SPEF2: variants seen among roughly 807,000 people sequenced by gnomAD.
SPEF2 encodes the protein sperm flagellar and cilia associated 2.
Under a neutral mutation model 224.6 loss-of-function variants are expected in SPEF2, and 187 were observed. The ratio of observed to expected loss-of-function variants is 0.83; its 90% CI spans 0.74 to 0.94. The LOEUF is 0.94. SPEF2 is among the 40% of genes least tolerant of loss of function. The pLI, the probability that SPEF2 is intolerant of heterozygous loss-of-function variation, is 0.00. For missense variants in SPEF2, 2,170 were observed against 2,135.6 expected (o/e 1.02, Z -0.32); for synonymous variants, 715 against 707.3 (o/e 1.01, Z -0.17).
intron 7 of SPEF2, among the ~76,000 whole-genome samples, 195 bp downstream of exon 7, chr5:35,654,921 T>C (rs770484001): frequency 2.6e-5 from 4 of 151,642 alleles, no homozygotes; most frequent in Non-Finnish European, 5.9e-5. Context: ...AATCTGGTGA[T>C]AGTTGTACAA....
chr5:35,670,939 A>G (rs1751150204), intron 10 of SPEF2: 3 of 985,312 alleles, frequency 3.0e-6, no homozygotes, highest in Non-Finnish European at 3.6e-6. Flanking sequence ...TTGGATGCAT[A>G]TAATACATAT....
rs200583969 is a variant in SPEF2 at position 35,686,945 on chromosome 5, TTG to T, written c.1525-4081_1525-4080del. 3.2e-3 allele frequency among the ~76,000 whole-genome samples: 483 copies of T among 151,908 alleles called. 3 individuals carry two copies. Among genetic ancestry groups the T allele is most frequent in the African/African-American group, 0.011 (461 of 41,498 alleles). ...AAGTGTGTGAGTGAATTATGTGTGT[TTG>T]TGTGTGTGTGCTTGAGGATGTGCAG... On this transcript the variant is annotated intron_variant, in intron 10 of 36. Coordinates refer to ENST00000356031, the MANE Select transcript of SPEF2 (RefSeq NM_024867.4).
intron 21 of SPEF2, among the ~76,000 whole-genome samples, chr5:35,733,957 T>G (rs1314428879): frequency 6.6e-6 from 1 of 152,190 alleles, no homozygotes; most frequent in Non-Finnish European, 1.5e-5. Context: ...AGGACTTTAA[T>G]GAGTTAGTCC....
At chr5:35,702,131 T>A in intron 16 of SPEF2, 1 of 455,128 alleles carries the variant, frequency 2.2e-6, no homozygotes, top group East Asian at 6.9e-5. Flanking sequence ...AAGGCAAATG[T>A]GTCATCCAAT....
At chr5:35,675,155 A>G (rs1232980414) in intron 10 of SPEF2, among the ~76,000 whole-genome samples, 2 of 152,194 alleles carry the variant, frequency 1.3e-5, no homozygotes, top group Non-Finnish European at 2.9e-5. Context: ...TGCTTATATG[A>G]TGAAGGCTGA....
At chr5:35,658,810 T>G (rs1053421481) in intron 7 of SPEF2, among the ~76,000 whole-genome samples, 1 of 152,216 alleles carries the variant, frequency 6.6e-6, no homozygotes, top group African/African-American at 2.4e-5. Flanking sequence ...AATTGTGAGT[T>G]GCAAAGCCAT....
At chr5:35,804,286 AG>A (rs1204352762) in intron 34 of SPEF2, among the ~76,000 whole-genome samples, 3 of 152,230 alleles carry the variant, frequency 2.0e-5, no homozygotes, top group Non-Finnish European at 4.4e-5. Context: ...GAGTCCTGAG[AG>A]TTAGCCAAGT....
At chr5:35,745,361 C>A (rs376793662) in intron 23 of SPEF2, among the ~76,000 whole-genome samples, 60 of 152,238 alleles carry the variant, frequency 3.9e-4, no homozygotes, top group African/African-American at 1.3e-3. Context: ...TGTGCAGACT[C>A]CTCAGGTAGG....
At chr5:35,654,805 T>C in intron 7 of SPEF2, 79 bp downstream of exon 7, 2 of 1,254,796 alleles carry the variant, frequency 1.6e-6, no homozygotes, top group South Asian at 1.7e-5. Context: ...TAATATGTAG[T>C]TTATATATGT....
chr5:35,794,994 G>A (rs1756465591), intron 32 of SPEF2, among the ~76,000 whole-genome samples: 1 of 151,924 alleles, frequency 6.6e-6, no homozygotes, highest in South Asian at 2.1e-4. Context: ...GTCAGCACTT[G>A]CCAGCTCATT....
chr5:35,643,636 G>A (rs1273834427), intron 3 of SPEF2: 1 of 437,746 alleles, frequency 2.3e-6, no homozygotes, highest in African/African-American at 2.0e-5. Flanking sequence ...ATGTGGAAGA[G>A]GTGATATCAT....
intron 23 of SPEF2, among the ~76,000 whole-genome samples, chr5:35,741,677 C>T (rs1048425770): frequency 6.6e-6 from 1 of 152,124 alleles, no homozygotes. Context: ...AGAAGCAAGG[C>T]GTCATTGTGG....
chr5:35,789,714 T>C (rs1296277106), intron 30 of SPEF2: 3 of 665,648 alleles, frequency 4.5e-6, no homozygotes, highest in East Asian at 2.7e-5. Context: ...AGGTAATCTA[T>C]ATGTGCTGAC....
At chr5:35,759,823 C>G in intron 25 of SPEF2, 104 bp downstream of exon 25, 2 of 1,164,430 alleles carry the variant, frequency 1.7e-6, no homozygotes, top group Non-Finnish European at 2.3e-6. Flanking sequence ...ATCTGCAAAT[C>G]TAAGATCCAA....
At chr5:35,755,170 A>G (rs1040925435) in intron 24 of SPEF2, among the ~76,000 whole-genome samples, 3 of 152,262 alleles carry the variant, frequency 2.0e-5, no homozygotes, top group Admixed American at 1.3e-4. Flanking sequence ...CATCCAAAGC[A>G]GAGGACAAAG....
chr5:35,654,444 G>C lies in SPEF2; in HGVS notation c.792-96G>C, dbSNP rs1035796919. ...ATTAATAAATTAACAGTGAACTCAA[G>C]GGATCCTTCTCCTGAGGTCTTTCTC... On this transcript the variant is annotated intron_variant, in intron 6 of 36. Coordinates refer to ENST00000356031, the MANE Select transcript of SPEF2 (RefSeq NM_024867.4). 7.2e-6 allele frequency: 7 copies of C among 973,490 alleles called. No homozygotes were observed. In the African/African-American group the frequency reaches 9.9e-5, roughly 14 times the overall value. 60.3% of individuals were successfully genotyped at this position (973,490 alleles called of 1,614,324 possible).
intron 13 of SPEF2, among the ~76,000 whole-genome samples, chr5:35,694,589 G>A (rs1755023558): frequency 6.6e-6 from 1 of 152,220 alleles, no homozygotes; most frequent in African/African-American, 2.4e-5. Flanking sequence ...CCTTCGAATA[G>A]TTGATTAGTT....
intron 11 of SPEF2, 107 bp downstream of exon 11, chr5:35,691,363 T>C: frequency 1.2e-6 from 1 of 865,568 alleles, no homozygotes; most frequent in Admixed American, 2.9e-5. Flanking sequence ...TGCTGATATG[T>C]TGGGAAATCT....
intron 33 of SPEF2, among the ~76,000 whole-genome samples, chr5:35,797,225 G>T (rs1191805176): frequency 2.6e-5 from 4 of 152,074 alleles, no homozygotes; most frequent in Non-Finnish European, 4.4e-5. Context: ...GCTGCTGGAA[G>T]ATTACAGGGA....
Sources: allele counts gnomAD v4.1 joint callset (sites outside exome capture counted in the v4.1 genomes callset), GRCh38; gene constraint gnomAD v4.1.1; transcripts MANE v1.5; gene names NCBI Gene and HGNC (gene_info 2026-07-23, HGNC 2026-07-21).